The following SFMBT1 variants were observed in gnomAD, a reference collection of about 807,000 sequenced individuals.
The protein encoded by SFMBT1 is Scm like with four mbt domains 1, also known as scm-like with four MBT domains protein 1.
SFMBT1 carries 32 observed loss-of-function variants against 108.7 expected under a neutral mutation model. That is an observed-to-expected ratio of 0.29 (90% CI 0.22 to 0.40). The LOEUF is 0.40. SFMBT1 is among the 10% of genes least tolerant of loss of function. The pLI is 1.00. For synonymous variants in SFMBT1, 348 were observed against 369.5 expected (o/e 0.94, Z 0.67); for missense variants, 816 against 1,059.6 (o/e 0.77, Z 3.19).
chr3:53,045,638 C>A (rs1700211978), intron 1 of SFMBT1, among the ~76,000 whole-genome samples, 178 bp downstream of exon 1: 1 of 138,250 alleles, frequency 7.2e-6, no homozygotes, highest in Non-Finnish European at 1.6e-5. Flanking sequence ...CCCAACGTGC[C>A]GCCGCCGCCG....
chr3:52,945,094 G>A (rs1473951964), intron 3 of SFMBT1, among the ~76,000 whole-genome samples: 1 of 126,806 alleles, frequency 7.9e-6, no homozygotes, highest in African/African-American at 2.9e-5. Flanking sequence ...ATGAACCACT[G>A]TGCCTGGCCC....
intron 1 of SFMBT1, among the ~76,000 whole-genome samples, chr3:53,010,022 CA>C (rs1049754565): frequency 6.6e-6 from 1 of 152,060 alleles, no homozygotes; most frequent in Non-Finnish European, 1.5e-5. Context: ...CTGTGCTGTT[CA>C]AGGTCAACTA....
chr3:52,946,948 T>C (rs1006069612), intron 3 of SFMBT1, among the ~76,000 whole-genome samples: 1 of 151,692 alleles, frequency 6.6e-6, no homozygotes, highest in African/African-American at 2.4e-5. Context: ...ATTTTTGTAT[T>C]TTTTGTAGCA....
At chr3:52,918,390 T>C in intron 13 of SFMBT1, 94 bp downstream of exon 13, 2 of 967,868 alleles carry the variant, frequency 2.1e-6, no homozygotes, top group Non-Finnish European at 3.0e-6. Flanking sequence ...AAAATTATGC[T>C]TCCATCTGAG....
At chr3:52,928,645 T>TATATACAC (rs1702756019) in intron 8 of SFMBT1, 1 of 97,384 alleles carries the variant, frequency 1.0e-5, no homozygotes, top group African/African-American at 4.4e-5. Context: ...TACATATATA[T>TATATACAC]ATATATATAC....
At chr3:52,950,797 G>A (rs906072027) in intron 3 of SFMBT1, among the ~76,000 whole-genome samples, 1 of 151,360 alleles carries the variant, frequency 6.6e-6, no homozygotes, top group African/African-American at 2.4e-5. Context: ...TGAATAAACT[G>A]TTATATGTTC....
intron 1 of SFMBT1, among the ~76,000 whole-genome samples, chr3:52,977,746 CAT>C (rs1172226874): frequency 6.6e-6 from 1 of 152,092 alleles, no homozygotes; most frequent in Non-Finnish European, 1.5e-5. Flanking sequence ...TATAGGCACA[CAT>C]ATATATGTGC....
intron 1 of SFMBT1, among the ~76,000 whole-genome samples, chr3:53,023,417 G>T (rs1456627622): frequency 6.6e-6 from 1 of 152,196 alleles, no homozygotes; most frequent in Non-Finnish European, 1.5e-5. Context: ...TTATATTTCA[G>T]TCATGGTCTA....
chr3:52,982,686 G>A (rs552117666), intron 1 of SFMBT1, among the ~76,000 whole-genome samples: 5 of 136,118 alleles, frequency 3.7e-5, no homozygotes, highest in South Asian at 4.6e-4. Flanking sequence ...CTGAGATCGC[G>A]GCACTGCACT....
At chr3:52,960,618 T>TCTAC (rs143489260) in intron 2 of SFMBT1, among the ~76,000 whole-genome samples, 4,022 of 151,306 alleles carry the variant, frequency 0.027, 74 homozygotes, top group Non-Finnish European at 0.042. Flanking sequence ...TATCATATGA[T>TCTAC]CTATCTATCT....
At chr3:52,913,417 A>C in intron 15 of SFMBT1, 61 bp downstream of exon 15, 1 of 1,565,878 alleles carries the variant, frequency 6.4e-7, no homozygotes, top group East Asian at 2.3e-5. Context: ...TCCCTGTAGA[A>C]ATGACCATAG....
At chr3:52,936,986 C>T (rs1429005795) in intron 4 of SFMBT1, among the ~76,000 whole-genome samples, 2 of 148,760 alleles carry the variant, frequency 1.3e-5, no homozygotes, top group East Asian at 4.0e-4. Flanking sequence ...GGACTACAGG[C>T]GCCCGCCACC....
chr3:52,923,791 GA>G (rs1559512029), intron 10 of SFMBT1, among the ~76,000 whole-genome samples: 2 of 151,974 alleles, frequency 1.3e-5, no homozygotes. Flanking sequence ...TCCAGAAAGA[GA>G]AAAGAGACAA....
At chr3:52,913,730 A>G (rs1702271506) in intron 14 of SFMBT1, 113 bp from the exon 15 acceptor site, 1 of 1,142,550 alleles carries the variant, frequency 8.8e-7, no homozygotes, top group Non-Finnish European at 1.2e-6. Flanking sequence ...ATTAATATAA[A>G]GTTTGGAATT....
chr3:52,970,111 AAAG>A lies in SFMBT1; in HGVS notation c.-130-856_-130-854del, dbSNP rs1369678653. 5.3e-5 allele frequency among the ~76,000 whole-genome samples: 8 copies of A among 152,292 alleles called. No homozygotes were observed. The South Asian group carries it at 1.0e-3, about 20-fold the overall frequency. ...GCCAGACACTGTCTCAAAAAAAAAAAAAGAAGAAGAAAAGCTTTATTGGGATAT... is the reference window on the plus strand; with the variant it reads ...GCCAGACACTGTCTCAAAAAAAAAAAAAGAAGAAAAGCTTTATTGGGATAT... On this transcript the variant is annotated intron_variant, in intron 1 of 20. Transcript: ENST00000394752.
intron 1 of SFMBT1, among the ~76,000 whole-genome samples, chr3:53,007,880 T>C (rs1201589826): frequency 1.3e-5 from 2 of 152,148 alleles, no homozygotes; most frequent in Non-Finnish European, 2.9e-5. Flanking sequence ...CTGCCAAAGA[T>C]ACGCAACCTG....
At chr3:52,974,828 A>G (rs960074938) in intron 1 of SFMBT1, among the ~76,000 whole-genome samples, 42 of 137,514 alleles carry the variant, frequency 3.1e-4, no homozygotes, top group African/African-American at 8.5e-4. Flanking sequence ...TGTCTCTATA[A>G]AAAGTAAAAA....
chr3:53,039,882 A>T (rs1699981270), intron 1 of SFMBT1, among the ~76,000 whole-genome samples: 1 of 152,160 alleles, frequency 6.6e-6, no homozygotes, highest in Non-Finnish European at 1.5e-5. Context: ...TTACATATAA[A>T]CATTTTTAAT....
chr3:53,027,144 C>G (rs574768542), intron 1 of SFMBT1, among the ~76,000 whole-genome samples: 1 of 152,166 alleles, frequency 6.6e-6, no homozygotes, highest in Non-Finnish European at 1.5e-5. Context: ...GATGTTTCCT[C>G]TATTAAGACC....
Sources: allele counts gnomAD v4.1 joint callset (sites outside exome capture counted in the v4.1 genomes callset), GRCh38; gene constraint gnomAD v4.1.1; transcripts MANE v1.5; gene names NCBI Gene and HGNC (gene_info 2026-07-23, HGNC 2026-07-21).